The following DOCK10 variants were observed in gnomAD, a reference collection of about 807,000 sequenced individuals.
The protein encoded by DOCK10 is dedicator of cytokinesis 10.
In DOCK10, 145 loss-of-function variants were observed where a neutral mutation model predicts 280.1. That is an observed-to-expected ratio of 0.52 (90% CI 0.45 to 0.59). The LOEUF is 0.59. Among genes scored for constraint, DOCK10 ranks in the 20% least tolerant of loss-of-function variants. The probability of loss-of-function intolerance (pLI) is 0.00; values close to 1 mark genes in which losing one functional copy is unlikely to be tolerated. For missense variants in DOCK10, 2,368 were observed against 2,651.7 expected (o/e 0.89, Z 2.35); for synonymous variants, 915 against 942.2 (o/e 0.97, Z 0.53).
intron 3 of DOCK10, among the ~76,000 whole-genome samples, chr2:224,909,869 T>C (rs551234796): frequency 9.0e-4 from 114 of 127,024 alleles, no homozygotes; most frequent in African/African-American, 3.0e-3. Context: ...ATTTAAGAGA[T>C]AGGGAGGAGA....
intron 1 of DOCK10, among the ~76,000 whole-genome samples, chr2:224,961,412 CTCTTTCTTTCTTTCTTTCTT>C (rs561597716): frequency 3.3e-4 from 40 of 119,462 alleles, no homozygotes; most frequent in East Asian, 1.8e-3. Flanking sequence ...TTCTTTCTTT[CTCTTTCTTTCTTTCTTTCTT>C]TCTTTCTTTC....
intron 11 of DOCK10, among the ~76,000 whole-genome samples, chr2:224,869,515 T>C (rs1698132835): frequency 6.6e-6 from 1 of 152,200 alleles, no homozygotes; most frequent in African/African-American, 2.4e-5. Flanking sequence ...TAAAAAACAA[T>C]GGTATTAAAT....
chr2:224,811,839 A>T (rs1164502327), intron 31 of DOCK10, among the ~76,000 whole-genome samples: 5 of 151,526 alleles, frequency 3.3e-5, no homozygotes, highest in Admixed American at 3.3e-4. Context: ...TGTTCCATTG[A>T]TCTATATCTC....
Position 224,834,204 on chromosome 2 carries a change from A to G in DOCK10, c.2910T>C (p.Asn970=). 1 of 1,613,722 alleles carries G rather than the reference A, an allele frequency of 6.2e-7. No individual in the cohort carries two copies. The highest frequency in any genetic ancestry group is 1.3e-5 in the African/African-American group (1 of 75,030). ...CATTTGATTTCAAAAGACCAGTCAC[A>G]TTTTTAGCCAGTTCCTCATGTACAG... The part of the protein sequence containing the change: ...ERTVHEELAK[N]VTGLLKSNDS... Residue 970 remains asparagine (N), a synonymous_variant, in exon 26 of 56, where the codon AAT becomes AAC. Coordinates refer to ENST00000258390, the MANE Select transcript of DOCK10 (RefSeq NM_014689.3).
chr2:224,979,835 ATCC>A (rs1344555898), intron 1 of DOCK10, among the ~76,000 whole-genome samples: 1 of 152,156 alleles, frequency 6.6e-6, no homozygotes, highest in Non-Finnish European at 1.5e-5. Flanking sequence ...TAAAATTTCT[ATCC>A]TCATTTTATA....
At chr2:224,869,850 C>T (rs1348269491) in intron 11 of DOCK10, among the ~76,000 whole-genome samples, 2 of 152,042 alleles carry the variant, frequency 1.3e-5, no homozygotes, top group African/African-American at 4.8e-5. Context: ...ATGCCCCTGG[C>T]AGTAGAAAGA....
At chr2:224,934,782 C>A (rs959143346) in intron 1 of DOCK10, among the ~76,000 whole-genome samples, 2 of 152,154 alleles carry the variant, frequency 1.3e-5, no homozygotes, top group South Asian at 4.1e-4. Context: ...TGGAAATGCA[C>A]CAACGGGGAT....
At chr2:225,021,203 C>T (rs1028660433) in intron 1 of DOCK10, among the ~76,000 whole-genome samples, 9 of 152,192 alleles carry the variant, frequency 5.9e-5, no homozygotes, top group African/African-American at 1.9e-4. Context: ...AGTAAATAAT[C>T]GGTTCAATTA....
chr2:224,928,764 G>C (rs546414702), intron 2 of DOCK10, among the ~76,000 whole-genome samples: 4 of 152,334 alleles, frequency 2.6e-5, no homozygotes, highest in Non-Finnish European at 5.9e-5. Flanking sequence ...AATTGGAAAT[G>C]ATTCTTTGGA....
At chr2:224,778,032 G>A (rs539586650) in intron 51 of DOCK10, 106 bp downstream of exon 51, 468 of 1,185,270 alleles carry the variant, frequency 3.9e-4, no homozygotes, top group Non-Finnish European at 4.2e-4. Context: ...AATCGTTTTT[G>A]TAGTTTACTT....
chr2:224,871,772 C>T (rs1386514914), intron 11 of DOCK10, among the ~76,000 whole-genome samples: 3 of 152,152 alleles, frequency 2.0e-5, no homozygotes, highest in Admixed American at 6.5e-5. Flanking sequence ...TCACCTCTGC[C>T]GAGAGGGCCT....
At chr2:225,040,714 T>C (rs13421639) in intron 1 of DOCK10, among the ~76,000 whole-genome samples, 53,144 of 151,980 alleles carry the variant, frequency 0.35, 10,347 homozygotes, top group African/African-American at 0.53. Flanking sequence ...AATGAGTCAA[T>C]TGCAAAATAA....
intron 11 of DOCK10, among the ~76,000 whole-genome samples, chr2:224,867,041 C>T (rs1368578152): frequency 6.6e-6 from 1 of 151,076 alleles, no homozygotes; most frequent in East Asian, 1.9e-4. Context: ...GATATCATTG[C>T]TTCTCTGCCC....
intron 28 of DOCK10, 128 bp from the exon 29 acceptor site, chr2:224,819,657 A>G (rs1694376657): frequency 1.8e-6 from 1 of 564,010 alleles, no homozygotes; most frequent in Admixed American, 3.9e-5. Context: ...TTAGGTATTT[A>G]AAAAATCTTC....
At chr2:225,033,923 CT>C (rs1242375327) in intron 1 of DOCK10, among the ~76,000 whole-genome samples, 1 of 152,102 alleles carries the variant, frequency 6.6e-6, no homozygotes, top group East Asian at 1.9e-4. Flanking sequence ...TTGAAGGAGC[CT>C]TTGTTTGCAA....
At chr2:224,816,416 A>G (rs931458081) in intron 30 of DOCK10, among the ~76,000 whole-genome samples, 2 of 152,110 alleles carry the variant, frequency 1.3e-5, no homozygotes, top group East Asian at 3.9e-4. Flanking sequence ...GAGGAATATG[A>G]AGCCATATTC....
chr2:225,011,926 G>A (rs73083786), intron 1 of DOCK10, among the ~76,000 whole-genome samples: 3 of 152,068 alleles, frequency 2.0e-5, no homozygotes, highest in East Asian at 1.9e-4. Flanking sequence ...ATGCACATAC[G>A]CAACTGAATT....
At chr2:224,957,750 C>T (rs1288348687) in intron 1 of DOCK10, among the ~76,000 whole-genome samples, 1 of 152,226 alleles carries the variant, frequency 6.6e-6, no homozygotes, top group East Asian at 1.9e-4. Context: ...CTCTACATGT[C>T]TCAAAACACC....
intron 1 of DOCK10, among the ~76,000 whole-genome samples, chr2:224,933,869 C>A (rs1256222817): frequency 6.6e-6 from 1 of 152,120 alleles, no homozygotes; most frequent in Non-Finnish European, 1.5e-5. Context: ...TTCTCACTAT[C>A]TTTTAAATTT....
Sources: allele counts gnomAD v4.1 joint callset (sites outside exome capture counted in the v4.1 genomes callset), GRCh38; gene constraint gnomAD v4.1.1; transcripts MANE v1.5; gene names NCBI Gene and HGNC (gene_info 2026-07-23, HGNC 2026-07-21).